LRRC49: variants seen among roughly 807,000 people sequenced by gnomAD.
LRRC49 encodes the protein leucine-rich repeat-containing protein 49.
In LRRC49, 50 loss-of-function variants were observed where a neutral mutation model predicts 83.3. The observed-to-expected ratio is 0.60, with a 90% CI of 0.48 to 0.76. The LOEUF (loss-of-function observed/expected upper bound fraction) is 0.76, where lower values mean the gene tolerates loss of function less well. Ranked by LOEUF, LRRC49 falls within the 30% of genes least tolerant of loss-of-function variation. The pLI, the probability that LRRC49 is intolerant of heterozygous loss-of-function variation, is 0.00. For missense variants in LRRC49, 704 were observed against 809.1 expected, an observed-to-expected ratio of 0.87 and a Z score of 1.58; for synonymous variants, 286 against 283.3, an observed-to-expected ratio of 1.01 and a Z score of -0.10.
At chr15:70,891,121 G>A (rs3809561), upstream of LRRC49, among the ~76,000 whole-genome samples, 12 of 152,164 alleles carry the variant, frequency 7.9e-5, no homozygotes, top group East Asian at 2.3e-3. Context: ...GTGTAATGGT[G>A]GCAAGGCTGA....
intron 8 of LRRC49, among the ~76,000 whole-genome samples, chr15:70,945,402 C>G (rs1294857744): frequency 6.6e-6 from 1 of 152,126 alleles, no homozygotes; most frequent in African/African-American, 2.4e-5. Flanking sequence ...CAAGCTCTAT[C>G]TACCAGATTT....
chr15:70,951,997 C>T (rs1463818184), intron 8 of LRRC49, among the ~76,000 whole-genome samples: 1 of 151,890 alleles, frequency 6.6e-6, no homozygotes, highest in Non-Finnish European at 1.5e-5. Context: ...TTTTTGAAGG[C>T]CTTTTCTGTG....
chr15:70,969,253 T>G (rs2036905398), intron 9 of LRRC49, among the ~76,000 whole-genome samples: 1 of 152,212 alleles, frequency 6.6e-6, no homozygotes, highest in Non-Finnish European at 1.5e-5. Context: ...CTTTACCCAT[T>G]GCTTGTTTTT....
At chr15:70,917,816 G>A (rs1417696092) in intron 6 of LRRC49, among the ~76,000 whole-genome samples, 4 of 152,114 alleles carry the variant, frequency 2.6e-5, no homozygotes, top group East Asian at 3.9e-4. Flanking sequence ...CTTCCTGGTC[G>A]CAGGACAAGA....
intron 8 of LRRC49, among the ~76,000 whole-genome samples, chr15:70,960,048 A>G (rs1296461592): frequency 6.6e-6 from 1 of 152,228 alleles, no homozygotes; most frequent in Non-Finnish European, 1.5e-5. Flanking sequence ...TTTAAAGTCT[A>G]GTTGCTAAAT....
At chr15:71,036,669 G>A (rs550709482) in intron 14 of LRRC49, among the ~76,000 whole-genome samples, 2 of 152,266 alleles carry the variant, frequency 1.3e-5, no homozygotes, top group South Asian at 4.1e-4. Context: ...GCCATGATAT[G>A]CTCACAATTG....
At chr15:70,873,639 G>C (rs572996875) in intron 2 of LRRC49, among the ~76,000 whole-genome samples, 1 of 152,128 alleles carries the variant, frequency 6.6e-6, no homozygotes, top group East Asian at 1.9e-4. Context: ...GACAGTTGGA[G>C]GGCTCTTTGC....
intron 14 of LRRC49, among the ~76,000 whole-genome samples, chr15:71,029,379 G>T (rs965329485): frequency 1.3e-5 from 2 of 152,154 alleles, no homozygotes; most frequent in Non-Finnish European, 2.9e-5. Context: ...TTGCACTGTG[G>T]TGTGAGAGAC....
Position 71,000,292 on chromosome 15 carries a change from C to G in LRRC49, c.1170-8087C>G, listed in dbSNP as rs184444896. Among the ~76,000 whole-genome samples, 7 of 152,288 alleles carry G rather than the reference C, an allele frequency of 4.6e-5. No individual in the cohort carries two copies. The East Asian group carries it at 7.7e-4, about 17-fold the overall frequency. On this transcript the variant is annotated intron_variant, in intron 11 of 15. Transcript: ENST00000260382. ...AGTGTTTCGGAGTTCCCTACTCTAG[C>G]ATTTTTGCTCTCTCTTTGGGATTCC...
At position 70,981,992 on chromosome 15, in the gene LRRC49, C is replaced by T. The variant is rs529152574; in HGVS notation, c.1005+1808C>T. Among the ~76,000 whole-genome samples, 5 of 149,946 alleles carry T rather than the reference C, an allele frequency of 3.3e-5. No individual in the cohort carries two copies. The South Asian group carries it at 8.4e-4, about 25-fold the overall frequency. ...CCTGACATTAAGACAGGCTATACTC[C>T]TGTCTTAAAATATGTCTTCCCTTTT... is the stretch of plus-strand genomic sequence containing the variant. On this transcript the variant is annotated intron_variant, in intron 10 of 15. Coordinates refer to ENST00000260382, the MANE Select transcript of LRRC49 (RefSeq NM_017691.5).
intron 7 of LRRC49, among the ~76,000 whole-genome samples, chr15:70,930,462 C>T (rs921703246): frequency 1.8e-4 from 28 of 152,152 alleles, no homozygotes; most frequent in Admixed American, 1.8e-3. Flanking sequence ...AGATTTAGCA[C>T]AATTCTTAAG....
upstream of LRRC49, chr15:70,892,577 G>A: frequency 1.3e-6 from 2 of 1,482,192 alleles, no homozygotes; most frequent in South Asian, 2.6e-5. Flanking sequence ...CGGACCGGAA[G>A]TGGTGGTGGT....
At chr15:70,871,685 G>A (rs1288548119) in intron 1 of LRRC49, among the ~76,000 whole-genome samples, 7 of 150,902 alleles carry the variant, frequency 4.6e-5, no homozygotes, top group African/African-American at 9.8e-5. Flanking sequence ...CAGACGGGGC[G>A]GCCAGGAAGA....
At chr15:70,858,519 G>A (rs955073445) in intron 1 of LRRC49, among the ~76,000 whole-genome samples, 7 of 152,180 alleles carry the variant, frequency 4.6e-5, no homozygotes, top group East Asian at 3.9e-4. Flanking sequence ...CAGGAAAATC[G>A]CTTGAACCCG....
intron 14 of LRRC49, among the ~76,000 whole-genome samples, chr15:71,018,269 G>T (rs1306506140): frequency 6.6e-6 from 1 of 152,154 alleles, no homozygotes; most frequent in Non-Finnish European, 1.5e-5. Context: ...GATATGAGGA[G>T]TAAGGTAGAG....
chr15:70,909,141 G>A (rs1007513852), intron 5 of LRRC49, among the ~76,000 whole-genome samples: 13 of 152,114 alleles, frequency 8.5e-5, no homozygotes, highest in South Asian at 2.1e-4. Flanking sequence ...TCTTCAAATC[G>A]GAGAACTTTG....
At position 71,051,814 on chromosome 15, in the gene LRRC49, T is replaced by G. The variant is rs2039998304; in HGVS notation, c.*2202T>G. The G allele has an allele frequency of 6.6e-6, 1 of 152,242 alleles. No individual in the cohort carries two copies. Among genetic ancestry groups the G allele is most frequent in the African/African-American group, 2.4e-5 (1 of 41,450 alleles). The allele number at this position is 152,242 out of a possible 1,614,324, so 9.4% of individuals were successfully genotyped here. On this transcript the variant is annotated 3_prime_UTR_variant, in exon 16 of 16. Transcript: ENST00000260382. ...GCAAGCCATCCCAGCCACTGCTGGCTCTATGCAGACCTGCTTCAGGCCTGG... is the reference window on the plus strand; with the variant it reads ...GCAAGCCATCCCAGCCACTGCTGGCGCTATGCAGACCTGCTTCAGGCCTGG...
intron 8 of LRRC49, among the ~76,000 whole-genome samples, chr15:70,952,557 A>G (rs1174195807): frequency 6.6e-6 from 1 of 152,160 alleles, no homozygotes; most frequent in East Asian, 1.9e-4. Flanking sequence ...CTGAGCATGT[A>G]GTCAGTCAGA....
chr15:70,949,228 A>G (rs754032719), intron 8 of LRRC49, among the ~76,000 whole-genome samples: 1 of 152,188 alleles, frequency 6.6e-6, no homozygotes, highest in African/African-American at 2.4e-5. Flanking sequence ...CATACAACAC[A>G]CATACCTATA....
Sources: allele counts gnomAD v4.1 joint callset (sites outside exome capture counted in the v4.1 genomes callset), GRCh38; gene constraint gnomAD v4.1.1; transcripts MANE v1.5; gene names NCBI Gene and HGNC (gene_info 2026-07-23, HGNC 2026-07-21).